The following CNTN5 variants were observed in gnomAD, a reference collection of about 807,000 sequenced individuals.
CNTN5 encodes contactin 5.
CNTN5 carries 77 observed loss-of-function variants against 129.1 expected under a neutral mutation model. That is an observed-to-expected ratio of 0.60 (90% CI 0.50 to 0.72). The LOEUF is 0.72. Ranked by LOEUF, CNTN5 falls within the 30% of genes least tolerant of loss-of-function variation. The pLI is 0.00. For synonymous variants in CNTN5, 509 were observed against 465.6 expected (o/e 1.09, Z -1.20); for missense variants, 1,478 against 1,328.8 (o/e 1.11, Z -1.75).
intron 7 of CNTN5, among the ~76,000 whole-genome samples, chr11:99,951,736 TAATA>T (rs578145549): frequency 2.9e-4 from 44 of 152,300 alleles, no homozygotes; most frequent in Non-Finnish European, 5.1e-4. Flanking sequence ...TATATTACTA[TAATA>T]AATAGAGACT....
intron 3 of CNTN5, among the ~76,000 whole-genome samples, chr11:99,638,440 A>T (rs941950008): frequency 6.6e-5 from 10 of 152,116 alleles, no homozygotes; most frequent in African/African-American, 2.4e-4. Context: ...TGCCTTCTCA[A>T]CAGTCCCCCA....
At chr11:99,990,944 C>A (rs935924930) in intron 8 of CNTN5, among the ~76,000 whole-genome samples, 1 of 152,122 alleles carries the variant, frequency 6.6e-6, no homozygotes, top group Non-Finnish European at 1.5e-5. Context: ...TTCAGTGTTG[C>A]AACAGAGCTA....
At chr11:100,007,981 T>C (rs1173033392) in intron 9 of CNTN5, among the ~76,000 whole-genome samples, 1 of 152,012 alleles carries the variant, frequency 6.6e-6, no homozygotes, top group Non-Finnish European at 1.5e-5. Flanking sequence ...TTTAATATTA[T>C]TGTGTCTCAG....
intron 13 of CNTN5, among the ~76,000 whole-genome samples, chr11:100,093,222 G>A (rs1161078539): frequency 6.6e-6 from 1 of 151,944 alleles, no homozygotes; most frequent in African/African-American, 2.4e-5. Flanking sequence ...TTTTCTCTCG[G>A]GTGTTCTCTA....
intron 7 of CNTN5, among the ~76,000 whole-genome samples, chr11:99,950,017 T>C (rs570699361): frequency 1.3e-5 from 2 of 152,218 alleles, no homozygotes; most frequent in South Asian, 4.1e-4. Flanking sequence ...ATAATGAAAA[T>C]ACTTGTCTCC....
chr11:99,222,908 C>T (rs574252188), intron 1 of CNTN5, among the ~76,000 whole-genome samples: 4 of 152,176 alleles, frequency 2.6e-5, no homozygotes, highest in East Asian at 3.9e-4. Context: ...GATGTATAAC[C>T]GTGAACACAC....
At chr11:100,180,204 G>A (rs563451697) in intron 13 of CNTN5, among the ~76,000 whole-genome samples, 3 of 152,068 alleles carry the variant, frequency 2.0e-5, no homozygotes, top group South Asian at 4.1e-4. Context: ...TATTTTTCCC[G>A]ATTTAAGGAT....
intron 1 of CNTN5, among the ~76,000 whole-genome samples, chr11:99,231,123 T>G (rs1860971652): frequency 6.6e-6 from 1 of 152,228 alleles, no homozygotes; most frequent in Non-Finnish European, 1.5e-5. Context: ...TATGCATGCA[T>G]GTATCTTTAT....
chr11:100,241,582 T>G (rs1949742894), intron 16 of CNTN5, among the ~76,000 whole-genome samples: 1 of 152,174 alleles, frequency 6.6e-6, no homozygotes, highest in South Asian at 2.1e-4. Flanking sequence ...TCTGAACCTA[T>G]TACAGAGCTA....
intron 2 of CNTN5, among the ~76,000 whole-genome samples, chr11:99,362,077 TG>T (rs1939148518): frequency 6.6e-6 from 1 of 152,128 alleles, no homozygotes; most frequent in African/African-American, 2.4e-5. Context: ...TGTAACATTT[TG>T]TATTCCCACT....
intron 13 of CNTN5, among the ~76,000 whole-genome samples, chr11:100,167,068 G>T (rs756529374): frequency 4.0e-4 from 61 of 151,750 alleles, no homozygotes; most frequent in Non-Finnish European, 7.2e-4. Flanking sequence ...TCCTGATTGT[G>T]CTACAATATA....
chr11:99,152,398 A>G (rs1223624147), intron 1 of CNTN5, among the ~76,000 whole-genome samples: 1 of 151,992 alleles, frequency 6.6e-6, no homozygotes, highest in Non-Finnish European at 1.5e-5. Flanking sequence ...ATTATATAAC[A>G]CCCTTCTTTG....
At chr11:100,002,747 CA>C (rs1411207432) in intron 9 of CNTN5, among the ~76,000 whole-genome samples, 1 of 152,004 alleles carries the variant, frequency 6.6e-6, no homozygotes, top group Non-Finnish European at 1.5e-5. Context: ...AGTCACTTGT[CA>C]ATGATGTTTA....
chr11:99,976,313 G>A (rs759565176), intron 8 of CNTN5, among the ~76,000 whole-genome samples: 12 of 152,186 alleles, frequency 7.9e-5, no homozygotes, highest in Non-Finnish European at 1.8e-4. Flanking sequence ...CAAACTGTTG[G>A]TGGATCTAGC....
At chr11:100,307,688 T>A (rs1951384191) in intron 20 of CNTN5, among the ~76,000 whole-genome samples, 2 of 151,708 alleles carry the variant, frequency 1.3e-5, no homozygotes, top group South Asian at 4.1e-4. Context: ...TATATAATCA[T>A]GAAAATGTAG....
intron 1 of CNTN5, among the ~76,000 whole-genome samples, chr11:99,262,834 G>T (rs145836726): frequency 6.6e-6 from 1 of 151,820 alleles, no homozygotes; most frequent in African/African-American, 2.4e-5. Context: ...TAATGGTAAT[G>T]GCTTACAATT....
At chr11:100,092,788 T>TG (rs58720085) in intron 13 of CNTN5, among the ~76,000 whole-genome samples, 23,873 of 151,914 alleles carry the variant, frequency 0.16, 1,949 homozygotes, top group African/African-American at 0.17. Context: ...GAGGCGGAGG[T>TG]GGGGTGCAGT....
At chr11:100,139,687 A>G (rs1239022240) in intron 13 of CNTN5, among the ~76,000 whole-genome samples, 1 of 152,040 alleles carries the variant, frequency 6.6e-6, no homozygotes, top group Non-Finnish European at 1.5e-5. Flanking sequence ...AACATGGCAA[A>G]ACCCTATCTC....
chr11:99,985,086 A>C, intron 8 of CNTN5, among the ~76,000 whole-genome samples: 1 of 152,086 alleles, frequency 6.6e-6, no homozygotes, highest in Admixed American at 6.6e-5. Context: ...CTACCCATAG[A>C]GTGCAGTGTA....
Sources: allele counts gnomAD v4.1 joint callset (sites outside exome capture counted in the v4.1 genomes callset), GRCh38; gene constraint gnomAD v4.1.1; transcripts MANE v1.5; gene names NCBI Gene and HGNC (gene_info 2026-07-23, HGNC 2026-07-21).